The following LRRFIP2 variants were observed in gnomAD, a reference collection of about 807,000 sequenced individuals.
LRRFIP2 encodes leucine-rich repeat flightless-interacting protein 2.
LRRFIP2 carries 109 observed loss-of-function variants against 125.9 expected under a neutral mutation model. The observed-to-expected ratio is 0.87, with a 90% CI of 0.74 to 1.01. The LOEUF is 1.01. Ranked by LOEUF, LRRFIP2 falls within the 50% of genes least tolerant of loss-of-function variation. The pLI, the probability that LRRFIP2 is intolerant of heterozygous loss-of-function variation, is 0.00. For synonymous variants in LRRFIP2, 291 were observed against 293.1 expected (o/e 0.99, Z 0.07); for missense variants, 850 against 862.3 (o/e 0.99, Z 0.18).
rs772611308 is a variant in LRRFIP2 at position 37,109,512 on chromosome 3, G to A, written c.609+15C>T. ...CCCACCAGCACTGCACACACTGGAA[G>A]AGGAAAATACAAACCAGACTGGCAC... On this transcript the variant is annotated intron_variant, in intron 11 of 27. Coordinates refer to ENST00000336686, the MANE Select transcript of LRRFIP2 (RefSeq NM_006309.4). 6 of 1,613,892 alleles carry A rather than the reference G, an allele frequency of 3.7e-6. No individual in the cohort carries two copies. The highest frequency in any genetic ancestry group is 3.3e-5 in the Admixed American group (2 of 60,018).
intron 2 of LRRFIP2, among the ~76,000 whole-genome samples, chr3:37,132,559 T>C (rs2095454679): frequency 6.6e-6 from 1 of 152,216 alleles, no homozygotes; most frequent in Non-Finnish European, 1.5e-5. Flanking sequence ...GAGACTGTGT[T>C]GAAGAGAGGC....
chr3:37,106,504 C>G (rs2094331133), intron 13 of LRRFIP2, among the ~76,000 whole-genome samples: 1 of 152,176 alleles, frequency 6.6e-6, no homozygotes, highest in East Asian at 1.9e-4. Context: ...AGGACAAGAT[C>G]CTACATTTGA....
intron 19 of LRRFIP2, among the ~76,000 whole-genome samples, chr3:37,078,318 T>C (rs890583026): frequency 9.2e-5 from 14 of 152,148 alleles, no homozygotes; most frequent in African/African-American, 3.4e-4. Context: ...CACAGACTAG[T>C]GGCAAAAATA....
intron 4 of LRRFIP2, among the ~76,000 whole-genome samples, chr3:37,126,601 G>A (rs1157115595): frequency 6.6e-6 from 1 of 151,674 alleles, no homozygotes; most frequent in Non-Finnish European, 1.5e-5. Flanking sequence ...GCTCACACCT[G>A]TAATCCCAGC....
intron 18 of LRRFIP2, among the ~76,000 whole-genome samples, chr3:37,091,112 A>G (rs759051437): frequency 7.2e-5 from 11 of 152,176 alleles, no homozygotes; most frequent in Non-Finnish European, 1.5e-4. Flanking sequence ...GAGGTGGCTC[A>G]TGCCTGTAAT....
intron 7 of LRRFIP2, 36 bp from the exon 8 acceptor site, chr3:37,113,016 G>A: frequency 1.7e-6 from 2 of 1,172,460 alleles, no homozygotes; most frequent in Non-Finnish European, 2.5e-6. Context: ...TTCAATGATT[G>A]CATAGCGAAG....
At chr3:37,087,153 C>G (rs1050879823) in intron 18 of LRRFIP2, among the ~76,000 whole-genome samples, 1 of 152,170 alleles carries the variant, frequency 6.6e-6, no homozygotes, top group Non-Finnish European at 1.5e-5. Flanking sequence ...CCTGGCCACA[C>G]ACACTTTTAA....
intron 18 of LRRFIP2, among the ~76,000 whole-genome samples, chr3:37,091,080 A>G (rs2093405738): frequency 6.6e-6 from 1 of 152,228 alleles, no homozygotes; most frequent in Non-Finnish European, 1.5e-5. Flanking sequence ...ACAAGGTTTT[A>G]AAACTGTAAA....
At chr3:37,094,662 T>C (rs1012623083) in intron 17 of LRRFIP2, 130 bp downstream of exon 17, 10 of 616,526 alleles carry the variant, frequency 1.6e-5, no homozygotes, top group Non-Finnish European at 2.3e-5. Flanking sequence ...CACACTTTTG[T>C]ACAGTACTTA....
At chr3:37,168,663 A>G (rs1052902326) in intron 1 of LRRFIP2, among the ~76,000 whole-genome samples, 1 of 152,182 alleles carries the variant, frequency 6.6e-6, no homozygotes, top group Admixed American at 6.5e-5. Flanking sequence ...TTAAATGATA[A>G]ATTTTAAGTT....
chr3:37,172,940 C>A (rs1359584986), intron 1 of LRRFIP2: 1 of 152,156 alleles, frequency 6.6e-6, no homozygotes, highest in Non-Finnish European at 1.5e-5. Context: ...TCCCTGTAAT[C>A]CCAGCACTTT....
At position 37,096,989 on chromosome 3, in the gene LRRFIP2, T is replaced by C. The variant is rs1452982477; in HGVS notation, c.874-329A>G. Reference sequence around the variant, plus strand: ...CTGCAAATGTTAATACAAAAAAAGCTTGTACATATCAAAAAGAAAAGTCTG... The same window carrying C: ...CTGCAAATGTTAATACAAAAAAAGCCTGTACATATCAAAAAGAAAAGTCTG... On this transcript the variant is annotated intron_variant, in intron 15 of 27. Coordinates refer to ENST00000336686, the MANE Select transcript of LRRFIP2 (RefSeq NM_006309.4). Among the ~76,000 whole-genome samples the C allele has an allele frequency of 3.3e-5, 5 of 151,998 alleles. No individual in the cohort carries two copies. The East Asian group carries it at 9.6e-4, about 29-fold the overall frequency.
At chr3:37,061,329 T>C (rs998549920) in intron 24 of LRRFIP2, among the ~76,000 whole-genome samples, 1 of 152,026 alleles carries the variant, frequency 6.6e-6, no homozygotes, top group African/African-American at 2.4e-5. Flanking sequence ...GCTGAGCAGA[T>C]GCTGACAACA....
At chr3:37,098,710 T>A (rs899015542) in intron 15 of LRRFIP2, among the ~76,000 whole-genome samples, 6 of 152,076 alleles carry the variant, frequency 3.9e-5, no homozygotes, top group Non-Finnish European at 7.4e-5. Flanking sequence ...TGTTTTTAAA[T>A]ACTATATTGC....
At chr3:37,168,715 A>G (rs2096543614) in intron 1 of LRRFIP2, among the ~76,000 whole-genome samples, 1 of 152,240 alleles carries the variant, frequency 6.6e-6, no homozygotes, top group African/African-American at 2.4e-5. Flanking sequence ...TCCAGTCAAC[A>G]ATGGATTACA....
intron 1 of LRRFIP2, among the ~76,000 whole-genome samples, chr3:37,161,201 C>CAAAAAAAAAAA (rs1577871204): frequency 1.3e-5 from 1 of 77,000 alleles, no homozygotes. Flanking sequence ...AAAAAAAAAG[C>CAAAAAAAAAAA]AAAGATTAGC....
rs371741581 is a variant in LRRFIP2 at position 37,141,722 on chromosome 3, G to A, written c.90+7172C>T. Among the ~76,000 whole-genome samples, 19 of 152,236 alleles carry A rather than the reference G, an allele frequency of 1.2e-4. No homozygotes were observed. In the East Asian group the frequency reaches 2.3e-3, roughly 19 times the overall value. On this transcript the variant is annotated intron_variant, in intron 2 of 27. Coordinates refer to ENST00000336686, the MANE Select transcript of LRRFIP2 (RefSeq NM_006309.4). ...AGAGGCTCATCCCCAGGCAGGGCCC[G>A]GAGTCAAAGCAAATGCAGAAGGCGG...
intron 11 of LRRFIP2, among the ~76,000 whole-genome samples, chr3:37,109,063 A>G (rs2094454726): frequency 6.6e-6 from 1 of 152,196 alleles, no homozygotes; most frequent in Admixed American, 6.5e-5. Flanking sequence ...ATCCCAGTCC[A>G]CTAGAACAGG....
intron 6 of LRRFIP2, among the ~76,000 whole-genome samples, chr3:37,119,534 C>T (rs1319445264): frequency 2.0e-5 from 3 of 151,856 alleles, no homozygotes; most frequent in South Asian, 2.1e-4. Context: ...ATACACACTG[C>T]GAACATTATA....
Sources: allele counts gnomAD v4.1 joint callset (sites outside exome capture counted in the v4.1 genomes callset), GRCh38; gene constraint gnomAD v4.1.1; transcripts MANE v1.5; gene names NCBI Gene and HGNC (gene_info 2026-07-23, HGNC 2026-07-21).